NMNAT2: variants seen among roughly 807,000 people sequenced by gnomAD.
NMNAT2 encodes the protein nicotinamide/nicotinic acid mononucleotide adenylyltransferase 2.
Under a neutral mutation model 41.6 loss-of-function variants are expected in NMNAT2, and 11 were observed. That is an observed-to-expected ratio of 0.26 (90% CI 0.17 to 0.44). NMNAT2 has a LOEUF of 0.44. Among genes scored for constraint, NMNAT2 ranks in the 20% least tolerant of loss-of-function variants. The pLI is 1.00. For missense variants in NMNAT2, 288 were observed against 407.7 expected (o/e 0.71, Z 2.53); for synonymous variants, 148 against 151.2 (o/e 0.98, Z 0.16).
At chr1:183,385,129 G>C (rs1211190459) in intron 1 of NMNAT2, among the ~76,000 whole-genome samples, 3 of 152,116 alleles carry the variant, frequency 2.0e-5, no homozygotes, top group African/African-American at 7.2e-5. Context: ...TTGAGCCCAG[G>C]TGTTTCAGGT....
intron 7 of NMNAT2, among the ~76,000 whole-genome samples, chr1:183,282,603 G>A (rs1661299007): frequency 6.6e-6 from 1 of 152,248 alleles, no homozygotes; most frequent in African/African-American, 2.4e-5. Flanking sequence ...GCTGGCCAAG[G>A]AGACTGCGTG....
intron 2 of NMNAT2, among the ~76,000 whole-genome samples, chr1:183,293,233 G>C (rs1190339446): frequency 3.3e-5 from 5 of 152,214 alleles, no homozygotes; most frequent in East Asian, 3.9e-4. Flanking sequence ...GTGGGAGAAA[G>C]GGGGAATGAT....
chr1:183,406,548 G>T (rs115369998), intron 1 of NMNAT2, among the ~76,000 whole-genome samples: 181 of 152,320 alleles, frequency 1.2e-3, no homozygotes, highest in African/African-American at 4.3e-3. Flanking sequence ...CTCAAGCAGA[G>T]ATTGGACAGA....
rs190682928 is a variant in NMNAT2, at chr1:183,355,146, C to G, written c.86-61353G>C. The stretch of plus-strand genomic sequence containing the variant: ...CTTCCTCAGTTTCCACATTCTCACC[C>G]CTTGCATCCACCTTTCTCACCTATT... On this transcript the variant is annotated intron_variant, in intron 1 of 10. Transcript: ENST00000287713. Among the ~76,000 whole-genome samples the G allele has an allele frequency of 3.9e-4, 59 of 152,270 alleles. 2 individuals are homozygous for G. The East Asian group carries it at 0.011, about 27-fold the overall frequency.
At chr1:183,391,410 A>G (rs1648477798) in intron 1 of NMNAT2, among the ~76,000 whole-genome samples, 1 of 151,358 alleles carries the variant, frequency 6.6e-6, no homozygotes, top group Admixed American at 6.6e-5. Flanking sequence ...CCTATAACCT[A>G]CTCTAATGTG....
Position 183,267,270 on chromosome 1 carries a change from T to C in NMNAT2, c.652-5967A>G, listed in dbSNP as rs1342550149. 2.0e-5 allele frequency: 3 copies of C among 152,288 alleles called. No homozygotes were observed. The East Asian group carries it at 5.8e-4, about 29-fold the overall frequency. 9.4% of individuals were successfully genotyped at this position (152,288 alleles called of 1,614,324 possible). On this transcript the variant is annotated intron_variant, in intron 8 of 10. Coordinates refer to ENST00000287713, the MANE Select transcript of NMNAT2 (RefSeq NM_015039.4). Reference sequence around the variant, plus strand: ...TAAAAGCCACTGGACCAAGACTCTGTAAAAATTCAGACTTTTAAGGGTGAC... The same window carrying C: ...TAAAAGCCACTGGACCAAGACTCTGCAAAAATTCAGACTTTTAAGGGTGAC...
intron 1 of NMNAT2, among the ~76,000 whole-genome samples, chr1:183,396,386 A>G (rs527493182): frequency 6.6e-6 from 1 of 152,304 alleles, no homozygotes; most frequent in East Asian, 1.9e-4. Flanking sequence ...CAGTAGACAG[A>G]AAACACCTGA....
intron 10 of NMNAT2, among the ~76,000 whole-genome samples, chr1:183,257,914 A>G (rs909170610): frequency 6.7e-6 from 1 of 150,236 alleles, no homozygotes; most frequent in Non-Finnish European, 1.5e-5. Flanking sequence ...TTCTTTTTCT[A>G]GTTCCTTAAG....
At chr1:183,348,756 G>A (rs939124501) in intron 1 of NMNAT2, among the ~76,000 whole-genome samples, 4 of 152,158 alleles carry the variant, frequency 2.6e-5, no homozygotes, top group South Asian at 2.1e-4. Context: ...TGGAAGGAAG[G>A]TATTCTGCTT....
At chr1:183,389,597 AG>A (rs1024300201) in intron 1 of NMNAT2, among the ~76,000 whole-genome samples, 2 of 151,290 alleles carry the variant, frequency 1.3e-5, no homozygotes, top group Non-Finnish European at 2.9e-5. Context: ...TTAGCAGGGC[AG>A]GGGGGCACAT....
chr1:183,307,021 G>T (rs1662008776), intron 1 of NMNAT2, among the ~76,000 whole-genome samples: 1 of 152,114 alleles, frequency 6.6e-6, no homozygotes, highest in South Asian at 2.1e-4. Flanking sequence ...GGGGAGGAAA[G>T]TAGAGGGGGA....
intron 1 of NMNAT2, among the ~76,000 whole-genome samples, chr1:183,382,361 A>T (rs1663819750): frequency 6.6e-6 from 1 of 152,190 alleles, no homozygotes; most frequent in Non-Finnish European, 1.5e-5. Context: ...GCAGGGACAC[A>T]AATCCAAACC....
At chr1:183,349,668 C>T (rs1259445480) in intron 1 of NMNAT2, among the ~76,000 whole-genome samples, 1 of 152,224 alleles carries the variant, frequency 6.6e-6, no homozygotes, top group African/African-American at 2.4e-5. Flanking sequence ...AAATCCACGG[C>T]AGCAGTGGGT....
intron 7 of NMNAT2, among the ~76,000 whole-genome samples, chr1:183,282,666 A>G (rs1661300659): frequency 1.3e-5 from 2 of 152,146 alleles, no homozygotes. Flanking sequence ...GGAGTGCAGG[A>G]GCTTTCAGCC....
At chr1:183,376,464 C>G (rs1399581416) in intron 1 of NMNAT2, among the ~76,000 whole-genome samples, 2 of 152,160 alleles carry the variant, frequency 1.3e-5, no homozygotes, top group Non-Finnish European at 2.9e-5. Context: ...ATTGACTTCA[C>G]TTTATTGAAG....
chr1:183,399,169 A>G (rs1159001628), intron 1 of NMNAT2, among the ~76,000 whole-genome samples: 1 of 136,050 alleles, frequency 7.4e-6, no homozygotes, highest in African/African-American at 2.5e-5. Context: ...CACTAGCAAG[A>G]CTAATAAAGA....
intron 8 of NMNAT2, among the ~76,000 whole-genome samples, chr1:183,270,243 T>A (rs1245137368): frequency 6.6e-6 from 1 of 152,100 alleles, no homozygotes; most frequent in Non-Finnish European, 1.5e-5. Context: ...CCTTATTTTT[T>A]CCCCCAGCTT....
At chr1:183,402,769 C>G (rs947647652) in intron 1 of NMNAT2, among the ~76,000 whole-genome samples, 2 of 152,130 alleles carry the variant, frequency 1.3e-5, no homozygotes, top group Non-Finnish European at 2.9e-5. Flanking sequence ...TAATTTCCCA[C>G]GAAGGTCTTT....
intron 1 of NMNAT2, among the ~76,000 whole-genome samples, chr1:183,370,514 C>CCCACTTCT (rs1230764062): frequency 2.2e-4 from 33 of 152,146 alleles, no homozygotes; most frequent in Non-Finnish European, 4.4e-4. Context: ...GAACTCCTGT[C>CCCACTTCT]CCACTTCTCC....
Sources: allele counts gnomAD v4.1 joint callset (sites outside exome capture counted in the v4.1 genomes callset), GRCh38; gene constraint gnomAD v4.1.1; transcripts MANE v1.5; gene names NCBI Gene and HGNC (gene_info 2026-07-23, HGNC 2026-07-21).